The following SRCIN1 variants were observed in gnomAD, a reference collection of about 807,000 sequenced individuals.
SRCIN1 encodes the protein P130Cas-associated protein.
In SRCIN1, 50 loss-of-function variants were observed where a neutral mutation model predicts 116.2. The observed-to-expected ratio is 0.43, with a 90% CI of 0.34 to 0.54. The LOEUF is 0.54. SRCIN1 is among the 20% of genes least tolerant of loss of function. SRCIN1 has a pLI of 0.02. For missense variants in SRCIN1, 1,446 were observed against 1,672.0 expected (o/e 0.86, Z 2.36); for synonymous variants, 736 against 750.0 (o/e 0.98, Z 0.30).
At chr17:38,595,897 CA>C (rs1908705578) in intron 1 of SRCIN1, among the ~76,000 whole-genome samples, 1 of 152,260 alleles carries the variant, frequency 6.6e-6, no homozygotes, top group Non-Finnish European at 1.5e-5. Context: ...GTGCCCCCCC[CA>C]GAGTCAGGTA....
chr17:38,560,521 C>T (rs1253053925), intron 7 of SRCIN1, 96 bp from the exon 8 acceptor site: 2 of 1,046,542 alleles, frequency 1.9e-6, no homozygotes, highest in Middle Eastern at 2.1e-4. Flanking sequence ...GAAGAAACAC[C>T]GTCCCATCCC....
In SRCIN1 at chr17:38,569,875, G is replaced by C. The variant is rs922287110; in HGVS notation, c.325-1644C>G. On this transcript the variant is annotated intron_variant, in intron 2 of 18. Coordinates refer to ENST00000617146, the MANE Select transcript of SRCIN1 (RefSeq NM_025248.3). The stretch of plus-strand genomic sequence containing the variant: ...GGCAGCTGACTGTGGCCTGGGGAAG[G>C]GGAGGGGTAGCAGAGGGAGTGGACA... Among the ~76,000 whole-genome samples, 7 of 152,268 alleles carry C rather than the reference G, an allele frequency of 4.6e-5. No individual in the cohort carries two copies. In the East Asian group the frequency reaches 1.4e-3, roughly 29 times the overall value.
At chr17:38,601,874 G>A (rs759287027) in intron 1 of SRCIN1, among the ~76,000 whole-genome samples, 1 of 152,074 alleles carries the variant, frequency 6.6e-6, no homozygotes, top group African/African-American at 2.4e-5. Flanking sequence ...TGGGAGGGGT[G>A]GTCAGAGGGA....
intron 2 of SRCIN1, among the ~76,000 whole-genome samples, chr17:38,576,743 C>G (rs1323714074): frequency 1.3e-5 from 2 of 152,118 alleles, no homozygotes; most frequent in East Asian, 3.8e-4. Flanking sequence ...CCCTGTCGCC[C>G]AGGTGTTTCT....
In SRCIN1 at chr17:38,543,809, G is replaced by C. The variant is rs754365167; in HGVS notation, c.3417+14C>G. ...AGAGTGGGCCTGGGTGGCCCCCACA[G>C]TCCCCGCCCTCACCTGCTGCTGGGC... On this transcript the variant is annotated intron_variant, in intron 18 of 18. Coordinates refer to ENST00000617146, the MANE Select transcript of SRCIN1 (RefSeq NM_025248.3). 3 of 1,602,724 alleles carry C rather than the reference G, an allele frequency of 1.9e-6. No homozygotes were observed. The highest frequency in any genetic ancestry group is 2.5e-6 in the Non-Finnish European group (3 of 1,179,024).
rs1220691066 is a variant in SRCIN1, at chr17:38,572,195, A to G, written c.325-3964T>C. 2.0e-5 allele frequency among the ~76,000 whole-genome samples: 3 copies of G among 151,980 alleles called. No individual in the cohort carries two copies. Among genetic ancestry groups the G allele is most frequent in the African/African-American group, 7.3e-5 (3 of 41,378 alleles). On this transcript the variant is annotated intron_variant, in intron 2 of 18. Transcript: ENST00000617146. The surrounding 1 kb of genome is among the most constrained non-coding windows in gnomAD (Gnocchi z 4.3). ...GCACCGGTGCACACACCCACCTCTC[A>G]ACTCCCATGAACACGAGTCAGCGTA...
chr17:38,540,577 TGTGGATC>T (rs1904668341), intron 18 of SRCIN1, among the ~76,000 whole-genome samples: 1 of 152,170 alleles, frequency 6.6e-6, no homozygotes, highest in African/African-American at 2.4e-5. Context: ...GCTGAGCTAG[TGTGGATC>T]GTGTCCCACC....
At position 38,552,550 on chromosome 17, in the gene SRCIN1, C is replaced by A. The variant is rs750399952; in HGVS notation, c.2377G>T (p.Val793Leu). The change falls in exon 13 of 19, where the codon GTG becomes TTG. Residue 793 changes from valine to leucine, a missense_variant. Physicochemically the swap from Val to Leu is conservative, Grantham distance 32. This residue lies in a region of SRCIN1 where 531 missense variants were observed against 633.9 expected (regional missense o/e 0.84). Coordinates refer to ENST00000617146, the MANE Select transcript of SRCIN1 (RefSeq NM_025248.3). The surrounding 1 kb of genome is among the most constrained non-coding windows in gnomAD (Gnocchi z 5.3). Reference sequence around the variant, plus strand: ...AGGAACTTCACCGCCTCCACCTCCACGCGCAGCACCACCCGCATCTTGCTC... The same window carrying A: ...AGGAACTTCACCGCCTCCACCTCCAAGCGCAGCACCACCCGCATCTTGCTC... The part of the protein sequence containing the change: ...LQSKMRVVLR[V>L]EVEAVKFLKE... 6.2e-7 allele frequency: 1 copy of A among 1,609,132 alleles called. No individual in the cohort carries two copies.
Position 38,533,110 on chromosome 17 carries a change from A to AC in SRCIN1, c.*186_*187insG. The AC allele has an allele frequency of 2.1e-6, 1 of 477,248 alleles. No individual in the cohort carries two copies. 29.6% of individuals were successfully genotyped at this position (477,248 alleles called of 1,614,324 possible). ...AGTTAATTGTTAAAAAAAAAAAAAA[A>AC]AACAAAACCAAAAACACCAACAGAT... On this transcript the variant is annotated 3_prime_UTR_variant, in exon 19 of 19. Transcript: ENST00000617146.
At chr17:38,548,972 C>A in intron 16 of SRCIN1, 84 bp downstream of exon 16, 1 of 1,453,708 alleles carries the variant, frequency 6.9e-7, no homozygotes, top group Non-Finnish European at 9.2e-7. Context: ...GGGTCTCTTT[C>A]CCACCCCAGA....
chr17:38,548,456 G>A (rs1371771523), intron 17 of SRCIN1, 101 bp downstream of exon 17: 3 of 1,445,654 alleles, frequency 2.1e-6, no homozygotes, highest in Non-Finnish European at 2.8e-6. Flanking sequence ...GGGAGCCCGA[G>A]AGCCCATCTT....
rs567994827 is a variant in SRCIN1 at position 38,533,107 on chromosome 17, A to C, written c.*190T>G. The C allele has an allele frequency of 7.7e-3, 3,468 of 453,152 alleles. 61 individuals are homozygous for C. Among genetic ancestry groups the C allele is most frequent in the Non-Finnish European group, 7.5e-3 (2,206 of 293,502 alleles). 28.1% of individuals were successfully genotyped at this position (453,152 alleles called of 1,614,324 possible). On this transcript the variant is annotated 3_prime_UTR_variant, in exon 19 of 19. Transcript: ENST00000617146. ...AAAAGTTAATTGTTAAAAAAAAAAA[A>C]AAAAACAAAACCAAAAACACCAACA... is the stretch of plus-strand genomic sequence containing the variant.
At chr17:38,537,013 C>A (rs1167910074) in intron 18 of SRCIN1, among the ~76,000 whole-genome samples, 1 of 150,922 alleles carries the variant, frequency 6.6e-6, no homozygotes, top group Non-Finnish European at 1.5e-5. Context: ...GCCAACTCTA[C>A]CAAAAATTAC....
chr17:38,540,740 GGTGTGTGTGT>G lies in SRCIN1; in HGVS notation c.3417+3073_3417+3082del, dbSNP rs151164930. On this transcript the variant is annotated intron_variant, in intron 18 of 18. Transcript: ENST00000617146. Reference sequence around the variant, plus strand: ...GGGGCAGGGATTTTAAGCTGGCAGGGGTGTGTGTGTGTGTGTGTGTGTGTGTGTGTGTGAC... The same window carrying G: ...GGGGCAGGGATTTTAAGCTGGCAGGGGTGTGTGTGTGTGTGTGTGTGTGAC... 4.0e-3 allele frequency among the ~76,000 whole-genome samples: 582 copies of G among 146,842 alleles called. 5 individuals are homozygous for G. The highest frequency in any genetic ancestry group is 0.013 in the African/African-American group (525 of 39,662).
At chr17:38,560,247 G>A in intron 8 of SRCIN1, 86 bp downstream of exon 8, 1 of 1,458,902 alleles carries the variant, frequency 6.9e-7, no homozygotes, top group Non-Finnish European at 9.3e-7. Flanking sequence ...GTCACCCAGT[G>A]AGACACTGGC....
In SRCIN1 at chr17:38,559,581, G is replaced by C; in HGVS notation, c.2025+4C>G. ...GTGGGGCGGGGCCCAGGACGGGGCG[G>C]TACCTGGAGCTTGCGCAACTGCTGG... is the stretch of plus-strand genomic sequence containing the variant. On this transcript the variant is annotated splice_donor_region_variant and intron_variant, in intron 10 of 18. Transcript: ENST00000617146. 6.3e-7 allele frequency: 1 copy of C among 1,598,620 alleles called. No homozygotes were observed. The highest frequency in any genetic ancestry group is 8.5e-7 in the Non-Finnish European group (1 of 1,179,070).
At chr17:38,570,061 C>T (rs749680012) in intron 2 of SRCIN1, among the ~76,000 whole-genome samples, 31 of 152,120 alleles carry the variant, frequency 2.0e-4, no homozygotes, top group Non-Finnish European at 4.4e-4. Context: ...CACAGCGCCC[C>T]GCAACACACA....
rs1404599106 is a variant in SRCIN1 at position 38,568,418 on chromosome 17, G to A, written c.325-187C>T. Among the ~76,000 whole-genome samples, 1 of 152,198 alleles carries A rather than the reference G, an allele frequency of 6.6e-6. No homozygotes were observed. The highest frequency in any genetic ancestry group is 2.1e-4 in the South Asian group (1 of 4,836). ...TCTCTACTGAGACCTGGAACACCAT[G>A]GTGTACCCAGGATGGCCCTGAGCAG... On this transcript the variant is annotated intron_variant, in intron 2 of 18. Coordinates refer to ENST00000617146, the MANE Select transcript of SRCIN1 (RefSeq NM_025248.3). The surrounding 1 kb of genome is among the most constrained non-coding windows in gnomAD (Gnocchi z 4.5).
chr17:38,539,001 C>CAAAT (rs1378002714), intron 18 of SRCIN1, among the ~76,000 whole-genome samples: 1 of 152,220 alleles, frequency 6.6e-6, no homozygotes, highest in Non-Finnish European at 1.5e-5. Flanking sequence ...ACACATGCAA[C>CAAAT]AAATGGTAGC....
Sources: allele counts gnomAD v4.1 joint callset (sites outside exome capture counted in the v4.1 genomes callset), GRCh38; gene constraint gnomAD v4.1.1; regional missense constraint gnomAD v4.1.1; non-coding constraint Gnocchi (gnomAD v3.1); transcripts MANE v1.5; gene names NCBI Gene and HGNC (gene_info 2026-07-23, HGNC 2026-07-21).